Variants in OC90 observed in about 807,000 individuals in gnomAD.
The protein encoded by OC90 is otoconin-90.
In OC90, 46 loss-of-function variants were observed where a neutral mutation model predicts 47.3. That is an observed-to-expected ratio of 0.97 (90% confidence interval 0.77 to 1.24). The LOEUF is 1.24. OC90 is among the 50% of genes most tolerant of loss of function. The pLI, the probability that OC90 is intolerant of heterozygous loss-of-function variation, is 0.00. For missense variants in OC90, 688 were observed against 583.9 expected, an observed-to-expected ratio of 1.18 and a Z score of -1.84; for synonymous variants, 271 against 219.5, an observed-to-expected ratio of 1.23 and a Z score of -2.07.
At chr8:132,052,227 TGTAGACTTTCAGGCAGGGAG>T (rs1823221647) in intron 2 of OC90, among the ~76,000 whole-genome samples, 1 of 152,184 alleles carries the variant, frequency 6.6e-6, no homozygotes, top group Non-Finnish European at 1.5e-5. Flanking sequence ...ACCTGTAAAA[TGTAGACTTTCAGGCAGGGAG>T]GTAGACTTGT....
Position 132,034,668 on chromosome 8 carries a change from C to T in OC90, c.733+113G>A, listed in dbSNP as rs188628351. 1.9e-4 allele frequency: 134 copies of T among 718,356 alleles called. No homozygotes were observed. The African/African-American group carries it at 2.2e-3, about 12-fold the overall frequency. 44.5% of individuals were successfully genotyped at this position (718,356 alleles called of 1,614,324 possible). On this transcript the variant is annotated intron_variant, in intron 10 of 13. Transcript: ENST00000254627. ...GATTCTTGCCCCATCACCTCCCATG[C>T]TGACAAGGTCATGGTGCATTTCATT...
At position 132,028,551 on chromosome 8, in the gene OC90, AAAGAAAGAAAGAAAGGAAGG is replaced by A. The variant is rs1312093163; in HGVS notation, c.1138+502_1138+521del. ...AAAAGAAAGAAAGAAAGAAAGAAAG[AAAGAAAGAAAGAAAGGAAGG>A]AAGGAAGGAAGGAAGGAAGGAAGGA... is the stretch of plus-strand genomic sequence containing the variant. On this transcript the variant is annotated intron_variant, in intron 13 of 13. Transcript: ENST00000254627. Among the ~76,000 whole-genome samples, 11 of 20,824 alleles carry A rather than the reference AAAGAAAGAAAGAAAGGAAGG, an allele frequency of 5.3e-4. 1 individual carries two copies. The highest frequency in any genetic ancestry group is 3.3e-3 in the East Asian group (1 of 300). The allele number at this position is 20,824 out of a possible 152,430, so 13.7% of individuals were successfully genotyped here.
intron 2 of OC90, among the ~76,000 whole-genome samples, chr8:132,048,588 C>T (rs1292830411): frequency 2.6e-5 from 4 of 151,574 alleles, no homozygotes; most frequent in African/African-American, 9.8e-5. Flanking sequence ...ACCCCCTACA[C>T]CCTTAGCCAC....
intron 2 of OC90, among the ~76,000 whole-genome samples, chr8:132,053,887 G>T (rs1250889888): frequency 6.6e-6 from 1 of 152,226 alleles, no homozygotes; most frequent in East Asian, 1.9e-4. Context: ...AAGCACAGCA[G>T]TCACCCTGGC....
rs1449990792 is a variant in OC90 at position 132,041,167 on chromosome 8, G to A, written c.345-11C>T. 1.3e-6 allele frequency: 2 copies of A among 1,565,492 alleles called. No individual in the cohort carries two copies. The highest frequency in any genetic ancestry group is 1.8e-6 in the Non-Finnish European group (2 of 1,135,930). On this transcript the variant is annotated splice_polypyrimidine_tract_variant and intron_variant, in intron 5 of 13. Transcript: ENST00000254627. ...TGCTGGAAGCAGCAGCTGTAGGAAGGCCGGGAGGAGGCAGGGTGAGAGTGT... is the reference window on the plus strand; with the variant it reads ...TGCTGGAAGCAGCAGCTGTAGGAAGACCGGGAGGAGGCAGGGTGAGAGTGT...
At chr8:132,037,330 GT>G (rs1001084351) in intron 9 of OC90, 107 bp downstream of exon 9, 3 of 924,152 alleles carry the variant, frequency 3.2e-6, no homozygotes, top group Non-Finnish European at 5.2e-6. Flanking sequence ...CTTCGGTGCT[GT>G]TCTTGTGATA....
intron 13 of OC90, among the ~76,000 whole-genome samples, chr8:132,025,306 CAA>C (rs772585788): frequency 2.6e-5 from 4 of 152,194 alleles, no homozygotes; most frequent in Non-Finnish European, 5.9e-5. Context: ...TCCTAACAAA[CAA>C]GAGATACCTT....
intron 9 of OC90, chr8:132,036,228 CATATT>C: frequency 4.8e-6 from 3 of 621,848 alleles, no homozygotes; most frequent in Non-Finnish European, 8.7e-6. Context: ...CAGTTTCCTA[CATATT>C]CTGTAAAATG....
At chr8:132,036,435 C>T in intron 9 of OC90, 1 of 780,480 alleles carries the variant, frequency 1.3e-6, no homozygotes, top group South Asian at 1.3e-5. Context: ...ACAGAAATCA[C>T]CCGATTTTAA....
intron 2 of OC90, among the ~76,000 whole-genome samples, chr8:132,047,229 T>C (rs959151634): frequency 1.3e-5 from 2 of 152,214 alleles, no homozygotes; most frequent in African/African-American, 4.8e-5. Flanking sequence ...GGACTGGCAC[T>C]ACCAATATAC....
At chr8:132,038,909 C>A in intron 7 of OC90, 78 bp from the exon 8 acceptor site, 1 of 1,607,496 alleles carries the variant, frequency 6.2e-7, no homozygotes, top group Non-Finnish European at 8.5e-7. Flanking sequence ...GACTTGGCAT[C>A]TAGAGACATG....
chr8:132,050,716 C>A (rs986502368), intron 2 of OC90, among the ~76,000 whole-genome samples: 1 of 152,146 alleles, frequency 6.6e-6, no homozygotes, highest in African/African-American at 2.4e-5. Context: ...AATATAACTG[C>A]ATAGGCCGGG....
chr8:132,032,625 G>A (rs1168247844), intron 11 of OC90, among the ~76,000 whole-genome samples: 2 of 152,190 alleles, frequency 1.3e-5, no homozygotes, highest in Non-Finnish European at 2.9e-5. Context: ...TCCTCTGTAT[G>A]CCCAACAGGC....
chr8:132,057,895 C>G (rs374530985), intron 1 of OC90, among the ~76,000 whole-genome samples: 1 of 152,368 alleles, frequency 6.6e-6, no homozygotes, highest in African/African-American at 2.4e-5. Flanking sequence ...AGGGGGCGCT[C>G]TGGCAATGAC....
chr8:132,051,693 G>C (rs72715317), intron 2 of OC90, among the ~76,000 whole-genome samples: 34,331 of 152,084 alleles, frequency 0.23, 4,169 homozygotes, highest in South Asian at 0.3. Flanking sequence ...TGGGAAATGG[G>C]GTCCAACTTA....
intron 8 of OC90, among the ~76,000 whole-genome samples, chr8:132,037,700 C>T (rs570914007): frequency 2.0e-5 from 3 of 152,308 alleles, no homozygotes; most frequent in South Asian, 4.1e-4. Flanking sequence ...GATCCCAGCT[C>T]AGGAGGGAGC....
At chr8:132,055,290 G>A (rs16904581) in intron 1 of OC90, among the ~76,000 whole-genome samples, 10,902 of 152,192 alleles carry the variant, frequency 0.072, 796 homozygotes, top group African/African-American at 0.18. Flanking sequence ...CTGTAAAATG[G>A]AAATGTAGCC....
At chr8:132,025,972 C>A (rs753913695) in intron 13 of OC90, among the ~76,000 whole-genome samples, 19 of 152,178 alleles carry the variant, frequency 1.2e-4, no homozygotes, top group Admixed American at 2.6e-4. Context: ...GCCAGAATTT[C>A]CCTATTCATC....
At chr8:132,048,979 C>G (rs1823176180) in intron 2 of OC90, among the ~76,000 whole-genome samples, 1 of 151,602 alleles carries the variant, frequency 6.6e-6, no homozygotes, top group South Asian at 2.1e-4. Flanking sequence ...CTAAAGGTGT[C>G]TGTGTCCCCA....
Sources: gnomAD v4.1 joint callset for allele counts (sites outside exome capture counted in the v4.1 genomes callset) on GRCh38, gnomAD v4.1.1 for gene constraint, MANE v1.5 for transcripts, NCBI Gene and HGNC (gene_info 2026-07-23, HGNC 2026-07-21) for gene names.